The following ZNF763 variants were observed in gnomAD, a reference collection of about 807,000 sequenced individuals.
ZNF763 encodes the protein DNA-binding protein.
Under a neutral mutation model 38.0 loss-of-function variants are expected in ZNF763, and 33 were observed. The ratio of observed to expected loss-of-function variants is 0.87; its 90% CI spans 0.66 to 1.16. ZNF763 has a LOEUF of 1.16. ZNF763 is among the 50% of genes most tolerant of loss of function. ZNF763 has a pLI of 0.00. For synonymous variants in ZNF763, 155 were observed against 160.1 expected (o/e 0.97, Z 0.24); for missense variants, 423 against 469.1 (o/e 0.90, Z 0.91).
chr19:11,976,296 G>A (rs1004141364), intron 1 of ZNF763, among the ~76,000 whole-genome samples: 6 of 151,522 alleles, frequency 4.0e-5, no homozygotes, highest in African/African-American at 1.5e-4. Context: ...AGACAGTAGG[G>A]ACAGCCCAGG....
intron 1 of ZNF763, among the ~76,000 whole-genome samples, chr19:11,975,439 C>A (rs1005771144): frequency 1.3e-5 from 2 of 150,040 alleles, no homozygotes; most frequent in Non-Finnish European, 3.0e-5. Context: ...GCTCTGTCGC[C>A]CAGGCTGGAC....
intron 1 of ZNF763, among the ~76,000 whole-genome samples, chr19:11,973,409 T>A (rs1031472711): frequency 1.3e-5 from 2 of 152,164 alleles, no homozygotes; most frequent in Admixed American, 6.5e-5. Flanking sequence ...TCTAAAAAAA[T>A]TTTGTTTTGT....
In ZNF763 at chr19:11,978,754, C is replaced by T; in HGVS notation, c.830C>T (p.Thr277Ile). ...AGTTCTTTTCAAGCACATAAAAGAACCCACACTGGGGGAAAGCCATATGAA... is the reference window on the plus strand; with the variant it reads ...AGTTCTTTTCAAGCACATAAAAGAATCCACACTGGGGGAAAGCCATATGAA... ...SSSSFQAHKRTHTGGKPYECK... is the reference protein window; with the variant it reads ...SSSSFQAHKRIHTGGKPYECK... The change falls in exon 4 of 4, where the codon ACC (threonine) becomes ATC (isoleucine). Residue 277 changes from threonine (T) to isoleucine (I), a missense_variant. Physicochemically the swap from Thr to Ile is moderately conservative, Grantham distance 89. Coordinates refer to ENST00000358987, the MANE Select transcript of ZNF763 (RefSeq NM_001367172.2). 6.2e-7 allele frequency: 1 copy of T among 1,613,956 alleles called. No individual in the cohort carries two copies. The highest frequency in any genetic ancestry group is 8.5e-7 in the Non-Finnish European group (1 of 1,179,960).
chr19:11,977,514 C>A, intron 3 of ZNF763, 83 bp downstream of exon 3: 1 of 1,493,080 alleles, frequency 6.7e-7, no homozygotes, highest in Non-Finnish European at 9.2e-7. Context: ...AAACAAAGAA[C>A]TAAGTCCAGT....
intron 1 of ZNF763, among the ~76,000 whole-genome samples, chr19:11,969,052 C>T (rs1973296838): frequency 6.6e-6 from 1 of 152,164 alleles, no homozygotes; most frequent in African/African-American, 2.4e-5. Flanking sequence ...CACATTGCTT[C>T]AAGATGATGT....
intron 1 of ZNF763, among the ~76,000 whole-genome samples, chr19:11,974,609 G>T (rs1326833340): frequency 6.8e-6 from 1 of 146,774 alleles, no homozygotes; most frequent in Non-Finnish European, 1.5e-5. Context: ...GCCTTTTTTT[G>T]GGCGGGGGGG....
At chr19:11,968,256 ATT>A (rs112456346) in intron 1 of ZNF763, among the ~76,000 whole-genome samples, 11,851 of 149,456 alleles carry the variant, frequency 0.079, 824 homozygotes, top group African/African-American at 0.19. Context: ...CAATAATTTA[ATT>A]TTTTTTTTTC....
At chr19:11,970,867 G>T (rs1464447167) in intron 1 of ZNF763, among the ~76,000 whole-genome samples, 1 of 152,102 alleles carries the variant, frequency 6.6e-6, no homozygotes, top group Non-Finnish European at 1.5e-5. Context: ...GGAGGTGGAG[G>T]TTGCAGTGAG....
At chr19:11,969,445 CTAGTTATG>C (rs144162933) in intron 1 of ZNF763, among the ~76,000 whole-genome samples, 2,780 of 152,216 alleles carry the variant, frequency 0.018, 61 homozygotes, top group African/African-American at 0.055. Flanking sequence ...TAGAAAATTT[CTAGTTATG>C]TAATCAGCGG....
chr19:11,973,381 A>AT (rs746740589), intron 1 of ZNF763, among the ~76,000 whole-genome samples: 3 of 151,970 alleles, frequency 2.0e-5, no homozygotes, highest in Non-Finnish European at 4.4e-5. Context: ...CGACTCATTT[A>AT]TTTTTTATTT....
chr19:11,975,059 T>C (rs1012961014), intron 1 of ZNF763, among the ~76,000 whole-genome samples: 1 of 152,228 alleles, frequency 6.6e-6, no homozygotes, highest in African/African-American at 2.4e-5. Context: ...TATCCTGATG[T>C]TTCTTGCATG....
intron 1 of ZNF763, among the ~76,000 whole-genome samples, chr19:11,971,046 G>C (rs551938636): frequency 1.4e-3 from 208 of 152,210 alleles, no homozygotes; most frequent in Middle Eastern, 3.4e-3. Flanking sequence ...TTAGTGTAGA[G>C]TTCAAAGCTG....
intron 1 of ZNF763, among the ~76,000 whole-genome samples, chr19:11,973,136 C>T (rs1030980739): frequency 6.6e-6 from 1 of 152,144 alleles, no homozygotes; most frequent in Non-Finnish European, 1.5e-5. Flanking sequence ...CAGTCTTATA[C>T]AGAAACGTTT....
At position 11,979,048 on chromosome 19, in the gene ZNF763, A is replaced by C; in HGVS notation, c.1124A>C (p.Lys375Thr). ...CCTTATGAATGTAAGCAGTGTGGGA[A>C]AGCATTATCTTATAAGTTTTCAAAC... ...KKPYECKQCG[K>T]ALSYKFSNTP... Residue 375 changes from lysine to threonine, a missense_variant, in exon 4 of 4, where the codon AAA becomes ACA. Lys to Thr is a moderately conservative substitution (Grantham distance 78, BLOSUM62 -1). Transcript: ENST00000358987. The C allele has an allele frequency of 6.2e-7, 1 of 1,614,220 alleles. No individual in the cohort carries two copies. Among genetic ancestry groups the C allele is most frequent in the Non-Finnish European group, 8.5e-7 (1 of 1,180,040 alleles).
intron 1 of ZNF763, among the ~76,000 whole-genome samples, chr19:11,976,582 G>A (rs1399934337): frequency 7.8e-6 from 1 of 127,488 alleles, no homozygotes; most frequent in Non-Finnish European, 1.6e-5. Context: ...AAAAAAAATT[G>A]CTGGCCAGGT....
At chr19:11,974,510 C>G (rs969120622) in intron 1 of ZNF763, among the ~76,000 whole-genome samples, 21 of 147,710 alleles carry the variant, frequency 1.4e-4, no homozygotes, top group Admixed American at 4.9e-4. Flanking sequence ...TTAATTTACT[C>G]TTTAATAACA....
chr19:11,967,693 A>C (rs1475202902), intron 1 of ZNF763, among the ~76,000 whole-genome samples: 1 of 152,152 alleles, frequency 6.6e-6, no homozygotes, highest in East Asian at 1.9e-4. Context: ...GTGAGCCACC[A>C]TGTCCGGCCC....
At position 11,979,075 on chromosome 19, in the gene ZNF763, C is replaced by T. The variant is rs762361849; in HGVS notation, c.1151C>T (p.Thr384Ile). The stretch of plus-strand genomic sequence containing the variant: ...GCATTATCTTATAAGTTTTCAAACA[C>T]ACCTAAGAATGCGCTCTGGAGAAAG... ...GKALSYKFSN[T>I]PKNALWRKTL The change falls in exon 4 of 4, where the codon ACA (threonine) becomes ATA (isoleucine). Residue 384 changes from threonine (T) to isoleucine (I), a missense_variant. Coordinates refer to ENST00000358987, the MANE Select transcript of ZNF763 (RefSeq NM_001367172.2). 2.5e-6 allele frequency: 4 copies of T among 1,614,160 alleles called. No individual in the cohort carries two copies. The highest frequency in any genetic ancestry group is 1.1e-5 in the South Asian group (1 of 91,086).
intron 1 of ZNF763, among the ~76,000 whole-genome samples, chr19:11,974,997 A>G (rs1440074430): frequency 6.6e-6 from 1 of 152,196 alleles, no homozygotes; most frequent in East Asian, 1.9e-4. Context: ...TAGTTGGAGA[A>G]ATCTACATAA....
Sources: gnomAD v4.1 joint callset for allele counts (sites outside exome capture counted in the v4.1 genomes callset) on GRCh38, gnomAD v4.1.1 for gene constraint, MANE v1.5 for transcripts, NCBI Gene and HGNC (gene_info 2026-07-23, HGNC 2026-07-21) for gene names.